Variants in MARCHF1 observed in about 807,000 individuals in gnomAD.
The protein encoded by MARCHF1 is membrane associated ring-CH-type finger 1, also known as E3 ubiquitin-protein ligase MARCHF1.
A neutral mutation model predicts 54.2 loss-of-function variants in MARCHF1; 40 were observed. The ratio of observed to expected loss-of-function variants is 0.74; its 90% confidence interval spans 0.57 to 0.96. The LOEUF (loss-of-function observed/expected upper bound fraction) is 0.96, where lower values mean the gene tolerates loss of function less well. MARCHF1 is among the 40% of genes least tolerant of loss of function. The pLI, the probability that MARCHF1 is intolerant of heterozygous loss-of-function variation, is 0.00. For synonymous variants in MARCHF1, 236 were observed against 236.3 expected (o/e 1.00, Z 0.01); for missense variants, 586 against 656.5 (o/e 0.89, Z 1.17).
rs528410494 is a variant in MARCHF1, at chr4:164,052,697, G to A, written c.-248+58891C>T. On this transcript the variant is annotated intron_variant, in intron 2 of 9. Coordinates refer to ENST00000514618, the MANE Select transcript of MARCHF1 (RefSeq NM_001394959.1). ...CTCTACATCACCCCCATGGAACAGG[G>A]AAGAAGAACTGATGCAATTTGAGCT... Among the ~76,000 whole-genome samples the A allele has an allele frequency of 1.0e-3, 153 of 152,246 alleles. 1 individual carries two copies. The highest frequency in any genetic ancestry group is 3.6e-3 in the African/African-American group (148 of 41,528).
chr4:163,907,026 T>G (rs1751085829), intron 3 of MARCHF1, among the ~76,000 whole-genome samples: 1 of 152,060 alleles, frequency 6.6e-6, no homozygotes, highest in Admixed American at 6.6e-5. Flanking sequence ...TAAACCTTAG[T>G]GTCAAAAATG....
intron 3 of MARCHF1, among the ~76,000 whole-genome samples, chr4:163,912,157 C>G (rs1030829283): frequency 1.3e-5 from 2 of 151,494 alleles, no homozygotes; most frequent in Non-Finnish European, 2.9e-5. Context: ...TGAGGGCTCT[C>G]TTTTTGTGTG....
intron 2 of MARCHF1, among the ~76,000 whole-genome samples, chr4:164,050,278 A>G (rs1242821440): frequency 8.7e-6 from 1 of 114,950 alleles, no homozygotes; most frequent in Non-Finnish European, 1.9e-5. Flanking sequence ...CTGTCTCCAA[A>G]AAAAAAAAAA....
intron 1 of MARCHF1, among the ~76,000 whole-genome samples, chr4:164,192,652 C>G (rs2111053667): frequency 6.6e-6 from 1 of 152,296 alleles, no homozygotes; most frequent in East Asian, 1.9e-4. Context: ...CTTGAAGCAC[C>G]TGGGGCTATT....
chr4:163,613,966 C>G (rs1044526222), intron 5 of MARCHF1, among the ~76,000 whole-genome samples: 5 of 152,054 alleles, frequency 3.3e-5, no homozygotes, highest in Non-Finnish European at 7.4e-5. Flanking sequence ...TCTTTTAACC[C>G]TATAACCATA....
intron 3 of MARCHF1, among the ~76,000 whole-genome samples, chr4:163,900,352 A>T (rs566453460): frequency 7.1e-4 from 102 of 143,128 alleles, no homozygotes; most frequent in African/African-American, 2.1e-3. Context: ...TTTTTTTTTT[A>T]AAAAAACTCT....
At chr4:163,661,155 T>G (rs1743330860) in intron 5 of MARCHF1, among the ~76,000 whole-genome samples, 1 of 151,986 alleles carries the variant, frequency 6.6e-6, no homozygotes, top group Admixed American at 6.6e-5. Context: ...CAAATAAGAT[T>G]GTATAATAAT....
chr4:164,095,311 T>C (rs962914840), intron 2 of MARCHF1, among the ~76,000 whole-genome samples: 13 of 151,944 alleles, frequency 8.6e-5, no homozygotes, highest in African/African-American at 2.7e-4. Context: ...AGCATAGTAA[T>C]AGCATATATG....
intron 2 of MARCHF1, among the ~76,000 whole-genome samples, chr4:163,994,097 C>T (rs761143761): frequency 2.0e-5 from 3 of 151,898 alleles, no homozygotes; most frequent in East Asian, 1.9e-4. Context: ...AAAACTGTTT[C>T]GGAGGGCCAG....
At chr4:163,571,011 A>T (rs1181005019) in intron 8 of MARCHF1, among the ~76,000 whole-genome samples, 7 of 152,058 alleles carry the variant, frequency 4.6e-5, no homozygotes, top group Admixed American at 1.3e-4. Context: ...AATTTTCCTC[A>T]TCCAATTTGG....
chr4:163,569,984 A>G (rs1739787345), intron 8 of MARCHF1, among the ~76,000 whole-genome samples: 1 of 152,176 alleles, frequency 6.6e-6, no homozygotes, highest in Non-Finnish European at 1.5e-5. Context: ...ACTTTTTAAA[A>G]TGAACTCCTG....
chr4:164,351,867 A>C (rs1324603887), intron 1 of MARCHF1, among the ~76,000 whole-genome samples: 3 of 151,842 alleles, frequency 2.0e-5, no homozygotes, highest in African/African-American at 7.2e-5. Flanking sequence ...CTTTGAAAAA[A>C]ATTTAGAAGA....
At chr4:163,653,186 G>C (rs1037794386) in intron 5 of MARCHF1, among the ~76,000 whole-genome samples, 9 of 151,786 alleles carry the variant, frequency 5.9e-5, no homozygotes, top group African/African-American at 1.7e-4. Flanking sequence ...TCTAGGCAGA[G>C]AGAACAGTGA....
In MARCHF1 at chr4:164,278,954, A is replaced by G. The variant is rs1235175871; in HGVS notation, c.-323+104916T>C. On this transcript the variant is annotated intron_variant, in intron 1 of 9. Coordinates refer to ENST00000514618, the MANE Select transcript of MARCHF1 (RefSeq NM_001394959.1). The stretch of plus-strand genomic sequence containing the variant: ...TATTTACCAAAATCTGTGCATGCCT[A>G]TACATATACACACAGCTGATAATTT... Among the ~76,000 whole-genome samples, 3 of 152,154 alleles carry G rather than the reference A, an allele frequency of 2.0e-5. No homozygotes were observed. In the East Asian group the frequency reaches 5.8e-4, roughly 29 times the overall value.
At chr4:164,315,088 T>A (rs1447237053) in intron 1 of MARCHF1, among the ~76,000 whole-genome samples, 1 of 152,074 alleles carries the variant, frequency 6.6e-6, no homozygotes, top group African/African-American at 2.4e-5. Context: ...CTAAGGGAGA[T>A]GACCAAGCTA....
chr4:163,743,920 T>G (rs1288645567), intron 4 of MARCHF1, among the ~76,000 whole-genome samples: 1 of 152,214 alleles, frequency 6.6e-6, no homozygotes. Context: ...ACTTATACTC[T>G]CAATTGTATG....
At chr4:164,346,373 T>C (rs1376691210) in intron 1 of MARCHF1, among the ~76,000 whole-genome samples, 1 of 152,110 alleles carries the variant, frequency 6.6e-6, no homozygotes, top group Non-Finnish European at 1.5e-5. Context: ...TCGTATGCTT[T>C]GAGAAACTGT....
chr4:163,970,352 G>A (rs905603523), intron 3 of MARCHF1, among the ~76,000 whole-genome samples: 2 of 152,156 alleles, frequency 1.3e-5, no homozygotes, highest in African/African-American at 4.8e-5. Context: ...AAAGTGCCTT[G>A]GGGCCACTCA....
chr4:163,951,661 T>C (rs938800814), intron 3 of MARCHF1, among the ~76,000 whole-genome samples: 1 of 152,180 alleles, frequency 6.6e-6, no homozygotes, highest in Non-Finnish European at 1.5e-5. Flanking sequence ...GTAAGTGCTG[T>C]ATGTACTGCA....
Sources: gnomAD v4.1 joint callset for allele counts (sites outside exome capture counted in the v4.1 genomes callset) on GRCh38, gnomAD v4.1.1 for gene constraint, MANE v1.5 for transcripts, NCBI Gene and HGNC (gene_info 2026-07-23, HGNC 2026-07-21) for gene names.